TRIM9: variants seen among roughly 807,000 people sequenced by gnomAD.
TRIM9 encodes E3 ubiquitin-protein ligase TRIM9.
A neutral mutation model predicts 78.3 loss-of-function variants in TRIM9; 26 were observed. The ratio of observed to expected loss-of-function variants is 0.33; its 90% CI spans 0.24 to 0.46. The LOEUF (loss-of-function observed/expected upper bound fraction) is 0.46. Ranked by LOEUF, TRIM9 falls within the 20% of genes least tolerant of loss-of-function variation. TRIM9 has a pLI of 1.00. For synonymous variants in TRIM9, 398 were observed against 416.5 expected (o/e 0.96, Z 0.54); for missense variants, 787 against 1,036.4 (o/e 0.76, Z 3.30).
At chr14:51,059,686 T>C (rs1240734957) in intron 1 of TRIM9, among the ~76,000 whole-genome samples, 1 of 151,326 alleles carries the variant, frequency 6.6e-6, no homozygotes, top group African/African-American at 2.4e-5. Context: ...CAGTCCTAGC[T>C]ACTTGGGAGG....
chr14:51,076,729 T>C (rs1389444792), intron 1 of TRIM9, among the ~76,000 whole-genome samples: 1 of 152,192 alleles, frequency 6.6e-6, no homozygotes, highest in Non-Finnish European at 1.5e-5. Flanking sequence ...CAGTCCTTGG[T>C]GAATGGTCTG....
At chr14:51,042,012 A>C (rs1212870150) in intron 1 of TRIM9, among the ~76,000 whole-genome samples, 1 of 152,190 alleles carries the variant, frequency 6.6e-6, no homozygotes, top group Non-Finnish European at 1.5e-5. Flanking sequence ...GCTCTGTCGG[A>C]GTGAGGTGGC....
intron 1 of TRIM9, among the ~76,000 whole-genome samples, chr14:51,082,791 G>C (rs771731564): frequency 3.3e-5 from 5 of 152,296 alleles, no homozygotes; most frequent in Middle Eastern, 3.4e-3. Flanking sequence ...AAAGTGACTT[G>C]TTGTTCCCAT....
In TRIM9 at chr14:50,985,892, C is replaced by A. The variant is rs985756280; in HGVS notation, c.1792+64G>T. On this transcript the variant is annotated intron_variant, in intron 8 of 12. Coordinates refer to ENST00000684578, the MANE Select transcript of TRIM9 (RefSeq NM_001387360.1). ...GCACATGAATGGCAAGAACAAGACA[C>A]GCGTTTCAGAGATGCCTTCAAGGCA... is the stretch of plus-strand genomic sequence containing the variant. The A allele has an allele frequency of 1.9e-5, 25 of 1,332,352 alleles. No homozygotes were observed. The African/African-American group carries it at 3.6e-4, about 19-fold the overall frequency. 82.5% of individuals were successfully genotyped at this position (1,332,352 alleles called of 1,614,324 possible).
intron 1 of TRIM9, among the ~76,000 whole-genome samples, chr14:51,091,776 C>T (rs902864475): frequency 1.3e-5 from 2 of 152,128 alleles, no homozygotes; most frequent in Non-Finnish European, 2.9e-5. Context: ...AATAAATGGT[C>T]TTCTAGCCTA....
At position 50,981,955 on chromosome 14, in the gene TRIM9, C is replaced by T. The variant is rs772435769; in HGVS notation, c.2007G>A (p.Thr669=). 69 of 1,614,054 alleles carry T rather than the reference C, an allele frequency of 4.3e-5. No individual in the cohort carries two copies. The highest frequency in any genetic ancestry group is 4.8e-5 in the Non-Finnish European group (57 of 1,180,038). The change falls in exon 11 of 13, where the codon ACG becomes ACA. Residue 669 remains threonine, a synonymous_variant. Transcript: ENST00000684578. ...CAGGGTGGTTGTCATAGCGATCTAC[C>T]GTGAGCTCCCAGTAGTGGATGCCCT... ...FSKGIHYWEL[T]VDRYDNHPDP... is the part of the protein sequence containing the mutation.
chr14:51,049,781 C>T (rs1443203574), intron 1 of TRIM9, among the ~76,000 whole-genome samples: 3 of 151,106 alleles, frequency 2.0e-5, no homozygotes, highest in African/African-American at 7.3e-5. Flanking sequence ...GCCGAGATTG[C>T]ACCACTGCAC....
At chr14:51,077,950 T>C (rs1215798008) in intron 1 of TRIM9, among the ~76,000 whole-genome samples, 2 of 152,240 alleles carry the variant, frequency 1.3e-5, no homozygotes, top group East Asian at 1.9e-4. Flanking sequence ...GTTTTGGTTA[T>C]GCAATCAAAC....
chr14:51,068,884 A>C (rs898204201), intron 1 of TRIM9, among the ~76,000 whole-genome samples: 1 of 152,234 alleles, frequency 6.6e-6, no homozygotes, highest in African/African-American at 2.4e-5. Flanking sequence ...TGTTAAGTGA[A>C]GCATTAATTA....
chr14:51,038,098 T>C (rs1239169778), intron 1 of TRIM9, among the ~76,000 whole-genome samples: 3 of 152,182 alleles, frequency 2.0e-5, no homozygotes, highest in East Asian at 1.9e-4. Context: ...ATTAAAGTTA[T>C]AGACCTTGAG....
chr14:50,993,618 A>G (rs7143279), intron 7 of TRIM9, among the ~76,000 whole-genome samples: 13,283 of 152,160 alleles, frequency 0.087, 1,325 homozygotes, highest in African/African-American at 0.24. Flanking sequence ...TCTGCCCAAC[A>G]TGACTGCAAG....
intron 1 of TRIM9, among the ~76,000 whole-genome samples, chr14:51,030,189 G>A (rs1421474378): frequency 6.6e-6 from 1 of 152,252 alleles, no homozygotes; most frequent in Non-Finnish European, 1.5e-5. Context: ...CTTGGGCAGA[G>A]ATTGGGTGAA....
intron 3 of TRIM9, among the ~76,000 whole-genome samples, chr14:51,016,476 C>T (rs2139700145): frequency 6.9e-6 from 1 of 145,354 alleles, no homozygotes; most frequent in African/African-American, 2.5e-5. Context: ...CACCCCCTAC[C>T]CCCCTGCAGC....
chr14:51,051,787 T>C (rs1220701140), intron 1 of TRIM9, among the ~76,000 whole-genome samples: 1 of 151,850 alleles, frequency 6.6e-6, no homozygotes, highest in African/African-American at 2.4e-5. Context: ...GCCAACATAG[T>C]GAAACCCCAT....
At chr14:50,988,746 A>C (rs1360800336) in intron 7 of TRIM9, among the ~76,000 whole-genome samples, 1 of 152,216 alleles carries the variant, frequency 6.6e-6, no homozygotes, top group Non-Finnish European at 1.5e-5. Flanking sequence ...AACTGATCCC[A>C]GCTTAACTAA....
intron 1 of TRIM9, among the ~76,000 whole-genome samples, chr14:51,079,943 G>C (rs935668060): frequency 4.6e-5 from 7 of 152,326 alleles, no homozygotes; most frequent in Middle Eastern, 3.4e-3. Flanking sequence ...AAGGAGTAGA[G>C]AGTGCTAGTG....
rs189450517 is a variant in TRIM9 at position 51,083,432 on chromosome 14, T to A, written c.822+10686A>T. ...ACCATGCCCAGCTAATTAAAAAAAATTTTTTTTTTAGAGATCAGGTCTCAG... is the reference window on the plus strand; with the variant it reads ...ACCATGCCCAGCTAATTAAAAAAAAATTTTTTTTTAGAGATCAGGTCTCAG... On this transcript the variant is annotated intron_variant, in intron 1 of 12. Transcript: ENST00000684578. Among the ~76,000 whole-genome samples the A allele has an allele frequency of 8.9e-4, 83 of 93,582 alleles. 1 individual carries two copies. The highest frequency in any genetic ancestry group is 3.1e-3 in the African/African-American group (83 of 26,500). 61.4% of individuals were successfully genotyped at this position (93,582 alleles called of 152,430 possible). A position where few individuals can be genotyped will look rare whatever the true frequency, so the allele number is the denominator to read the frequency against.
In TRIM9 at chr14:51,035,091, T is replaced by C. The variant is rs368687430; in HGVS notation, c.823-9731A>G. Among the ~76,000 whole-genome samples, 125 of 152,312 alleles carry C rather than the reference T, an allele frequency of 8.2e-4. 1 individual carries two copies. The South Asian group carries it at 0.022, about 27-fold the overall frequency. ...CAATAGATATATGACATGACAAATT[T>C]TGTTGACATATAGAGACATGCATTA... On this transcript the variant is annotated intron_variant, in intron 1 of 12. Coordinates refer to ENST00000684578, the MANE Select transcript of TRIM9 (RefSeq NM_001387360.1).
In TRIM9 at chr14:51,022,890, C is replaced by T. The variant is rs1394931162; in HGVS notation, c.986G>A (p.Arg329Lys). 1.2e-6 allele frequency: 2 copies of T among 1,614,056 alleles called. No homozygotes were observed. The highest frequency in any genetic ancestry group is 2.7e-5 in the African/African-American group (2 of 74,932). The change falls in exon 3 of 13, where the codon AGA (arginine) becomes AAA (lysine). Residue 329 changes from arginine (R) to lysine (K), a missense_variant. Arg to Lys is a conservative substitution (Grantham distance 26). Coordinates refer to ENST00000684578, the MANE Select transcript of TRIM9 (RefSeq NM_001387360.1). The part of the protein sequence containing the change: ...QCDALIDALN[R>K]RKAQLLARVN... Reference sequence around the variant, plus strand: ...GCGGGCCAGCAGCTGGGCTTTTCTTCTGTTGAGGGCATCGATGAGGGCATC... The same window carrying T: ...GCGGGCCAGCAGCTGGGCTTTTCTTTTGTTGAGGGCATCGATGAGGGCATC...
Sources: allele counts gnomAD v4.1 joint callset (sites outside exome capture counted in the v4.1 genomes callset), GRCh38; gene constraint gnomAD v4.1.1; transcripts MANE v1.5; gene names NCBI Gene and HGNC (gene_info 2026-07-23, HGNC 2026-07-21).